PRH1: variants seen among roughly 807,000 people sequenced by gnomAD.
PRH1 encodes proline rich protein HaeIII subfamily 1, also known as salivary acidic proline-rich phosphoprotein 1/2.
Under a neutral mutation model 7.9 loss-of-function variants are expected in PRH1, and 7 were observed. That is an observed-to-expected ratio of 0.89 (90% confidence interval 0.50 to 1.67). PRH1 has a LOEUF of 1.67. Ranked by LOEUF, PRH1 falls within the 40% of genes most tolerant of loss-of-function variation. The pLI is 0.00. For synonymous variants in PRH1, 45 were observed against 80.8 expected (o/e 0.56, Z 2.38); for missense variants, 109 against 223.6 (o/e 0.49, Z 3.27).
intron 1 of PRH1, among the ~76,000 whole-genome samples, chr12:11,131,809 C>T (rs374073768): frequency 0.035 from 3,416 of 98,348 alleles, no homozygotes; most frequent in East Asian, 0.089. Flanking sequence ...AACAGGGGAA[C>T]TCATGCAACT....
chr12:11,038,914 A>C (rs905177608), intron 1 of PRH1, among the ~76,000 whole-genome samples: 45 of 152,362 alleles, frequency 3.0e-4, no homozygotes, highest in African/African-American at 1.1e-3. Flanking sequence ...AAAATAAGTA[A>C]TGTCAATTTC....
intron 2 of PRH1, among the ~76,000 whole-genome samples, chr12:10,901,642 T>C (rs1248977189): frequency 6.6e-6 from 1 of 152,140 alleles, no homozygotes; most frequent in East Asian, 1.9e-4. Flanking sequence ...AACCATCACA[T>C]TGTCCAAAAC....
rs1341026110 is a variant in PRH1 at position 11,085,683 on chromosome 12, CTA to C, written n.124-38497_124-38496del. 4.3e-5 allele frequency among the ~76,000 whole-genome samples: 5 copies of C among 116,048 alleles called. 2 individuals carry two copies. Among genetic ancestry groups the C allele is most frequent in the Non-Finnish European group, 1.0e-4 (5 of 49,040 alleles). 76.1% of individuals were successfully genotyped at this position (116,048 alleles called of 152,430 possible). A position where few individuals can be genotyped will look rare whatever the true frequency, so the allele number is the denominator to read the frequency against. On this transcript the variant is annotated intron_variant and non_coding_transcript_variant, in intron 1 of 4. Coordinates refer to the PRH1 transcript ENST00000541977. ...GCTGAAACTGACTCATATTCAAATA[CTA>C]TGTCCTTGTTATAAAATGTCTCATA...
intron 1 of PRH1, among the ~76,000 whole-genome samples, chr12:11,129,603 T>A (rs540354165): frequency 6.6e-6 from 1 of 152,406 alleles, no homozygotes; most frequent in African/African-American, 2.4e-5. Flanking sequence ...CAGACTACCA[T>A]AAACTTAAAT....
At position 10,922,753 on chromosome 12, in the gene PRH1, T is replaced by C. The variant is rs574171508; in HGVS notation, c.-58-38478A>G. ...AGTTTCTGTTTGTGAGGCTTCTGCTTTATCTATTTACGTAATGCATTGTTA... is the reference window on the plus strand; with the variant it reads ...AGTTTCTGTTTGTGAGGCTTCTGCTCTATCTATTTACGTAATGCATTGTTA... On this transcript the variant is annotated intron_variant, in intron 2 of 3. Coordinates refer to the PRH1 transcript ENST00000539853. 1.1e-3 allele frequency among the ~76,000 whole-genome samples: 169 copies of C among 152,054 alleles called. 1 individual carries two copies. Among genetic ancestry groups the C allele is most frequent in the South Asian group, 3.9e-3 (19 of 4,812 alleles).
chr12:11,011,001 G>A (rs1172821412), intron 1 of PRH1, among the ~76,000 whole-genome samples: 1 of 151,874 alleles, frequency 6.6e-6, no homozygotes, highest in African/African-American at 2.4e-5. Flanking sequence ...ATTATGATTA[G>A]TTTGTAGCAT....
chr12:10,951,053 G>C (rs1358236212), intron 2 of PRH1, among the ~76,000 whole-genome samples: 2 of 151,930 alleles, frequency 1.3e-5, no homozygotes, highest in Non-Finnish European at 1.5e-5. Context: ...AAAGCGCTAG[G>C]GCATACTAAT....
At chr12:10,930,087 G>A (rs534463569) in intron 2 of PRH1, among the ~76,000 whole-genome samples, 4 of 152,316 alleles carry the variant, frequency 2.6e-5, no homozygotes, top group East Asian at 1.9e-4. Context: ...GACGCTCAGT[G>A]TAGTAACAAT....
At chr12:11,037,631 A>G (rs1363415757) in intron 1 of PRH1, among the ~76,000 whole-genome samples, 1 of 152,272 alleles carries the variant, frequency 6.6e-6, no homozygotes, top group Non-Finnish European at 1.5e-5. Flanking sequence ...CAAATTGGAA[A>G]TAAAAAGTGT....
intron 1 of PRH1, chr12:11,134,297 G>A (rs1358977140): frequency 6.7e-7 from 1 of 1,485,280 alleles, no homozygotes; most frequent in Non-Finnish European, 9.0e-7. Context: ...ATCACTGGTT[G>A]TGATTGCTTG....
At chr12:11,006,467 T>C (rs1417393477) in intron 1 of PRH1, among the ~76,000 whole-genome samples, 2 of 150,666 alleles carry the variant, frequency 1.3e-5, no homozygotes, top group Non-Finnish European at 3.0e-5. Flanking sequence ...CTTGAACTCC[T>C]GGACACAAGT....
intron 1 of PRH1, among the ~76,000 whole-genome samples, chr12:11,140,452 C>A (rs761305790): frequency 6.6e-6 from 1 of 152,056 alleles, no homozygotes; most frequent in Non-Finnish European, 1.5e-5. Flanking sequence ...AAGGTCCTGA[C>A]CTTAACTTCT....
intron 1 of PRH1, among the ~76,000 whole-genome samples, chr12:11,066,881 T>A (rs1204089811): frequency 6.6e-6 from 1 of 151,862 alleles, no homozygotes; most frequent in South Asian, 2.1e-4. Flanking sequence ...TCTTTGCTTC[T>A]TTTTCTTTTA....
rs868644643 is a variant in PRH1, at chr12:10,882,826, C to G, written c.101-128G>C. ...TGCCTCTCAACTCCCAACCTCCCCC[C>G]TTCCCAAGGCTTCCTAATTAGAACT... On this transcript the variant is annotated intron_variant, in intron 2 of 3. Coordinates refer to ENST00000543626, the MANE Select transcript of PRH1 (RefSeq NM_001393989.1). 3.2e-5 allele frequency: 47 copies of G among 1,471,866 alleles called. No homozygotes were observed. The African/African-American group carries it at 4.4e-4, about 14-fold the overall frequency. The allele number at this position is 1,471,866 out of a possible 1,614,324, so 91.2% of individuals were successfully genotyped here.
At chr12:11,000,393 A>G (rs1274097730) in intron 1 of PRH1, among the ~76,000 whole-genome samples, 4 of 152,124 alleles carry the variant, frequency 2.6e-5, no homozygotes, top group Non-Finnish European at 4.4e-5. Context: ...GAAACACACT[A>G]AAGACATGAT....
rs551417979 is a variant in PRH1, at chr12:11,015,570, C to G, written c.-126+31450G>C. 2.0e-5 allele frequency among the ~76,000 whole-genome samples: 3 copies of G among 152,220 alleles called. No homozygotes were observed. The South Asian group carries it at 6.2e-4, about 32-fold the overall frequency. On this transcript the variant is annotated intron_variant, in intron 1 of 3. Coordinates refer to the PRH1 transcript ENST00000539853. ...CCAGATATTGGCCACTCCAACAGAG[C>G]CTGAACTAACAGTAATATCTGGGTA...
chr12:11,161,020 T>G (rs895361745), intron 1 of PRH1, among the ~76,000 whole-genome samples: 2 of 152,196 alleles, frequency 1.3e-5, no homozygotes, highest in Admixed American at 6.6e-5. Flanking sequence ...CTCTTACAGA[T>G]GCAATGTGAC....
chr12:10,906,393 C>T lies in PRH1; in HGVS notation c.-58-22118G>A, dbSNP rs568693831. On this transcript the variant is annotated intron_variant, in intron 2 of 3. Coordinates refer to the PRH1 transcript ENST00000539853. Reference sequence around the variant, plus strand: ...AACTTCATTAAAAGTTTTTAATGTCCTCTCTTTGAAAGACACTGTAAAGAA... The same window carrying T: ...AACTTCATTAAAAGTTTTTAATGTCTTCTCTTTGAAAGACACTGTAAAGAA... 1.3e-4 allele frequency among the ~76,000 whole-genome samples: 20 copies of T among 152,226 alleles called. 1 individual carries two copies. The highest frequency in any genetic ancestry group is 4.1e-4 in the African/African-American group (17 of 41,540).
chr12:11,098,802 T>C (rs573441909), intron 1 of PRH1, among the ~76,000 whole-genome samples: 1 of 152,330 alleles, frequency 6.6e-6, no homozygotes, highest in African/African-American at 2.4e-5. Flanking sequence ...AACTTCATTA[T>C]TCACAAGCTC....
Sources: gnomAD v4.1 joint callset for allele counts (sites outside exome capture counted in the v4.1 genomes callset) on GRCh38, gnomAD v4.1.1 for gene constraint, MANE v1.5 for transcripts, NCBI Gene and HGNC (gene_info 2026-07-23, HGNC 2026-07-21) for gene names.